Variants in NTN4 observed in about 807,000 individuals in gnomAD.
NTN4 encodes the protein netrin-4.
Under a neutral mutation model 73.6 loss-of-function variants are expected in NTN4, and 32 were observed. That is an observed-to-expected ratio of 0.44 (90% CI 0.33 to 0.58). NTN4 has a LOEUF of 0.58. Ranked by LOEUF, NTN4 falls within the 20% of genes least tolerant of loss-of-function variation. The pLI is 0.04. For missense variants in NTN4, 654 were observed against 798.3 expected, an observed-to-expected ratio of 0.82 and a Z score of 2.18; for synonymous variants, 258 against 287.5, an observed-to-expected ratio of 0.90 and a Z score of 1.04.
intron 7 of NTN4, among the ~76,000 whole-genome samples, chr12:95,677,445 A>AACGTAGTGG (rs2078281775): frequency 1.3e-5 from 2 of 152,200 alleles, no homozygotes; most frequent in African/African-American, 4.8e-5. Context: ...ATAGAAAAAA[A>AACGTAGTGG]ACGTAGTGGG....
intron 2 of NTN4, among the ~76,000 whole-genome samples, chr12:95,749,939 GGGC>G (rs1565906745): frequency 7.1e-6 from 1 of 141,780 alleles, no homozygotes; most frequent in Non-Finnish European, 1.5e-5. Context: ...TCTGGGGGAG[GGGC>G]AAGTACCCCT....
chr12:95,711,862 A>T (rs912466182), intron 4 of NTN4, among the ~76,000 whole-genome samples: 1 of 152,238 alleles, frequency 6.6e-6, no homozygotes, highest in African/African-American at 2.4e-5. Context: ...ATAAGAATCC[A>T]GATTTTTGTG....
intron 5 of NTN4, among the ~76,000 whole-genome samples, chr12:95,703,982 C>G (rs1017982603): frequency 6.6e-6 from 1 of 152,150 alleles, no homozygotes; most frequent in Non-Finnish European, 1.5e-5. Flanking sequence ...GGCTGGAGTG[C>G]AGTGGCGTGA....
At chr12:95,672,219 G>A in intron 7 of NTN4, 1 of 594,366 alleles carries the variant, frequency 1.7e-6, no homozygotes, top group Middle Eastern at 4.7e-4. Flanking sequence ...GGGCGGGCGG[G>A]GGGAGGGAGG....
intron 3 of NTN4, among the ~76,000 whole-genome samples, chr12:95,736,483 T>G (rs1317258326): frequency 6.6e-6 from 1 of 152,146 alleles, no homozygotes; most frequent in Non-Finnish European, 1.5e-5. Flanking sequence ...TTCACTAAAA[T>G]GTCATGGCAA....
At chr12:95,698,352 T>G (rs2078457577) in intron 5 of NTN4, among the ~76,000 whole-genome samples, 1 of 152,252 alleles carries the variant, frequency 6.6e-6, no homozygotes, top group East Asian at 1.9e-4. Context: ...CACCTTCTAA[T>G]TTTGTCCAGA....
chr12:95,721,718 C>A (rs989796445), intron 3 of NTN4, among the ~76,000 whole-genome samples: 2 of 152,322 alleles, frequency 1.3e-5, no homozygotes, highest in African/African-American at 4.8e-5. Context: ...AAGAAGTACA[C>A]TGTGCATAAC....
rs531681364 is a variant in NTN4 at position 95,693,566 on chromosome 12, A to G, written c.1181-9855T>C. 4.3e-4 allele frequency among the ~76,000 whole-genome samples: 66 copies of G among 151,938 alleles called. 1 individual carries two copies. In the South Asian group the frequency reaches 0.013, roughly 31 times the overall value. On this transcript the variant is annotated intron_variant, in intron 5 of 9. Coordinates refer to ENST00000343702, the MANE Select transcript of NTN4 (RefSeq NM_021229.4). ...AGAAACATGGTGAAAGTCCGTCTCT[A>G]CTAAAAATACAAAAATTAGCTGGGT...
chr12:95,775,098 A>T (rs571215495), intron 2 of NTN4, among the ~76,000 whole-genome samples: 30 of 152,350 alleles, frequency 2.0e-4, no homozygotes, highest in African/African-American at 6.7e-4. Context: ...AAATGCTCTC[A>T]TTCTAAGGAA....
chr12:95,736,967 C>A (rs1022825046), intron 3 of NTN4, among the ~76,000 whole-genome samples: 4 of 152,140 alleles, frequency 2.6e-5, no homozygotes, highest in East Asian at 1.9e-4. Flanking sequence ...TATTCTGCAG[C>A]CTTTTCCATT....
chr12:95,688,367 G>A (rs1380401684), intron 5 of NTN4, among the ~76,000 whole-genome samples: 1 of 152,136 alleles, frequency 6.6e-6, no homozygotes, highest in Non-Finnish European at 1.5e-5. Flanking sequence ...ATTTTCAGGT[G>A]TCTAGTTCAT....
At chr12:95,703,472 CA>C (rs2078501599) in intron 5 of NTN4, among the ~76,000 whole-genome samples, 1 of 152,084 alleles carries the variant, frequency 6.6e-6, no homozygotes, top group South Asian at 2.1e-4. Context: ...ACACGGGTCC[CA>C]AAAGATGCTT....
rs757756420 is a variant in NTN4, at chr12:95,787,456, A to G, written c.68T>C (p.Val23Ala). ...TTCACAGCGGGAACTCACTCCAGCT[A>G]CTCCACTCAGTCCTAAGAAAGGGAA... Reference protein sequence around the residue: ...CTVVAAGLSGVAGVSSRCEKA... With the variant: ...CTVVAAGLSGAAGVSSRCEKA... The change falls in exon 2 of 10, where the codon GTA becomes GCA. Residue 23 changes from valine (V) to alanine (A), a missense_variant. Coordinates refer to ENST00000343702, the MANE Select transcript of NTN4 (RefSeq NM_021229.4). 2 of 1,613,698 alleles carry G rather than the reference A, an allele frequency of 1.2e-6. No individual in the cohort carries two copies. Among genetic ancestry groups the G allele is most frequent in the Non-Finnish European group, 8.5e-7 (1 of 1,179,906 alleles).
chr12:95,782,227 C>A (rs1386489893), intron 2 of NTN4, among the ~76,000 whole-genome samples: 1 of 152,098 alleles, frequency 6.6e-6, no homozygotes, highest in Non-Finnish European at 1.5e-5. Context: ...AAGCAATGTG[C>A]TAAATGCTAG....
At chr12:95,771,190 C>T (rs1026430571) in intron 2 of NTN4, among the ~76,000 whole-genome samples, 12 of 151,964 alleles carry the variant, frequency 7.9e-5, no homozygotes, top group Non-Finnish European at 1.3e-4. Context: ...GGGGTTTCAC[C>T]GTGTTAGCCA....
At chr12:95,682,671 A>C (rs745760862) in intron 7 of NTN4, 36 bp downstream of exon 7, 1 of 1,418,338 alleles carries the variant, frequency 7.1e-7, no homozygotes, top group East Asian at 2.3e-5. Flanking sequence ...ATAAGACCAG[A>C]CCTGAAAATA....
chr12:95,704,630 G>C (rs1347306184), intron 5 of NTN4, among the ~76,000 whole-genome samples: 1 of 152,142 alleles, frequency 6.6e-6, no homozygotes, highest in Non-Finnish European at 1.5e-5. Context: ...AAACAACGTA[G>C]GTAGAGAGTA....
chr12:95,788,551 T>G (rs1353844510), intron 1 of NTN4, among the ~76,000 whole-genome samples: 2 of 152,194 alleles, frequency 1.3e-5, no homozygotes, highest in Non-Finnish European at 2.9e-5. Flanking sequence ...AAATCAACCC[T>G]TAAATTCTGG....
intron 9 of NTN4, among the ~76,000 whole-genome samples, chr12:95,663,907 T>A (rs1302707827): frequency 6.6e-6 from 1 of 152,144 alleles, no homozygotes; most frequent in African/African-American, 2.4e-5. Flanking sequence ...TTTTTTCTTT[T>A]GCCAAGACAG....
Sources: gnomAD v4.1 joint callset for allele counts (sites outside exome capture counted in the v4.1 genomes callset) on GRCh38, gnomAD v4.1.1 for gene constraint, MANE v1.5 for transcripts, NCBI Gene and HGNC (gene_info 2026-07-23, HGNC 2026-07-21) for gene names.